CHORDC1: variants seen among roughly 807,000 people sequenced by gnomAD.
CHORDC1 encodes cysteine and histidine rich domain containing 1, also known as cysteine and histidine-rich domain-containing protein 1.
A neutral mutation model predicts 48.3 loss-of-function variants in CHORDC1; 25 were observed. That is an observed-to-expected ratio of 0.52 (90% CI 0.38 to 0.72). The LOEUF is 0.72. CHORDC1 is among the 30% of genes least tolerant of loss of function. CHORDC1 has a pLI of 0.00. For missense variants in CHORDC1, 317 were observed against 388.7 expected, an observed-to-expected ratio of 0.82 and a Z score of 1.55; for synonymous variants, 128 against 126.4, an observed-to-expected ratio of 1.01 and a Z score of -0.09.
chr11:90,202,144 C>G lies in CHORDC1; in HGVS notation c.*261G>C, dbSNP rs1857556393. The G allele has an allele frequency of 2.9e-6, 1 of 341,462 alleles. No homozygotes were observed. The highest frequency in any genetic ancestry group is 1.0e-4 in the South Asian group (1 of 9,912). The allele number at this position is 341,462 out of a possible 1,614,324, so 21.2% of individuals were successfully genotyped here. ...ATACTGCAATTATGGTTATGGGCTA[C>G]TTTCCAGCCTCTTCAAGTATAGGAC... On this transcript the variant is annotated 3_prime_UTR_variant, in exon 11 of 11. Transcript: ENST00000320585.
chr11:90,205,501 C>G lies in CHORDC1; in HGVS notation c.628G>C (p.Gly210Arg). The part of the protein sequence containing the change: ...SDFNTFLAQE[G>R]CTKGKHMWTK... ...CACATGTGTTTCCCTTTTGTACAGCCCTCTTGGGCTAAGAATGTATTAAAA... is the reference window on the plus strand; with the variant it reads ...CACATGTGTTTCCCTTTTGTACAGCGCTCTTGGGCTAAGAATGTATTAAAA... The change falls in exon 8 of 11, where the codon GGC becomes CGC. Residue 210 changes from glycine (G) to arginine (R), a missense_variant. Coordinates refer to ENST00000320585, the MANE Select transcript of CHORDC1 (RefSeq NM_012124.3). The G allele has an allele frequency of 6.2e-7, 1 of 1,606,182 alleles. No individual in the cohort carries two copies. Among genetic ancestry groups the G allele is most frequent in the South Asian group, 1.1e-5 (1 of 88,704 alleles).
chr11:90,221,991 T>A (rs1489097732), intron 1 of CHORDC1, among the ~76,000 whole-genome samples: 1 of 152,158 alleles, frequency 6.6e-6, no homozygotes, highest in African/African-American at 2.4e-5. Context: ...TTATGAAGAT[T>A]AAATAAGATA....
intron 2 of CHORDC1, among the ~76,000 whole-genome samples, chr11:90,217,532 G>C (rs539830522): frequency 1.2e-4 from 18 of 152,256 alleles, no homozygotes; most frequent in African/African-American, 4.3e-4. Flanking sequence ...ATTCAGAGCT[G>C]TTATTAGCCA....
chr11:90,218,076 A>C lies in CHORDC1; in HGVS notation c.114+59T>G. Reference sequence around the variant, plus strand: ...AAAAAAGATGAGAAAATAAAGATTTAGTATTACATCTCTCAATTTACTACA... The same window carrying C: ...AAAAAAGATGAGAAAATAAAGATTTCGTATTACATCTCTCAATTTACTACA... On this transcript the variant is annotated intron_variant, in intron 2 of 10. Coordinates refer to ENST00000320585, the MANE Select transcript of CHORDC1 (RefSeq NM_012124.3). 4 of 1,191,144 alleles carry C rather than the reference A, an allele frequency of 3.4e-6. No individual in the cohort carries two copies. The South Asian group carries it at 6.1e-5, about 18-fold the overall frequency. 73.8% of individuals were successfully genotyped at this position (1,191,144 alleles called of 1,614,324 possible). A position where few individuals can be genotyped will look rare whatever the true frequency, so the allele number is the denominator to read the frequency against.
chr11:90,205,388 T>A, intron 8 of CHORDC1, 72 bp downstream of exon 8: 1 of 975,772 alleles, frequency 1.0e-6, no homozygotes. Context: ...AAAGACAGAA[T>A]AATTTCAAAT....
intron 1 of CHORDC1, among the ~76,000 whole-genome samples, chr11:90,221,093 GA>G (rs1858160328): frequency 6.6e-6 from 1 of 151,720 alleles, no homozygotes; most frequent in Non-Finnish European, 1.5e-5. Context: ...ACAGCACCGA[GA>G]AAAAAAGCAT....
At chr11:90,203,220 TGA>T in intron 9 of CHORDC1, 86 bp downstream of exon 9, 1 of 1,246,006 alleles carries the variant, frequency 8.0e-7, no homozygotes, top group South Asian at 1.8e-5. Flanking sequence ...CCAAATCAGC[TGA>T]GATATAAACA....
intron 2 of CHORDC1, chr11:90,216,482 T>C (rs905450366): frequency 5.4e-6 from 2 of 371,354 alleles, no homozygotes; most frequent in Non-Finnish European, 1.0e-5. Context: ...CTAGTATCCC[T>C]GTATTGATGT....
In CHORDC1 at chr11:90,211,585, G is replaced by A. The variant is rs1193325425; in HGVS notation, c.330-267C>T. 2.8e-5 allele frequency: 8 copies of A among 290,560 alleles called. No homozygotes were observed. The highest frequency in any genetic ancestry group is 2.1e-4 in the East Asian group (2 of 9,548). The allele number at this position is 290,560 out of a possible 1,614,324, so 18.0% of individuals were successfully genotyped here. A position where few individuals can be genotyped will look rare whatever the true frequency, so the allele number is the denominator to read the frequency against. On this transcript the variant is annotated intron_variant, in intron 4 of 10. Transcript: ENST00000320585. ...TTAAGTATTAATCAGTTGCACTAACGAGAAAGGAATAAAGACTAGGAATCC... is the reference window on the plus strand; with the variant it reads ...TTAAGTATTAATCAGTTGCACTAACAAGAAAGGAATAAAGACTAGGAATCC...
intron 4 of CHORDC1, chr11:90,213,721 G>C (rs761011126): frequency 1.5e-5 from 7 of 455,270 alleles, no homozygotes; most frequent in Non-Finnish European, 2.7e-5. Flanking sequence ...ATGCCACAGT[G>C]AAAAAGATGC....
chr11:90,220,707 TC>T (rs968184095), intron 1 of CHORDC1, among the ~76,000 whole-genome samples: 16 of 152,074 alleles, frequency 1.1e-4, no homozygotes, highest in Non-Finnish European at 2.2e-4. Context: ...ATCCATCCTT[TC>T]TTTATCAGTT....
At chr11:90,206,942 A>G (rs770269325) in intron 6 of CHORDC1, 26 of 392,694 alleles carry the variant, frequency 6.6e-5, no homozygotes, top group Non-Finnish European at 1.2e-4. Flanking sequence ...TATAAATCCA[A>G]AGTACAGTAT....
intron 7 of CHORDC1, chr11:90,205,837 C>A (rs1206032953): frequency 4.4e-6 from 2 of 452,026 alleles, no homozygotes; most frequent in African/African-American, 2.0e-5. Context: ...AAGTATGGGT[C>A]GTCTTGGGAT....
intron 6 of CHORDC1, chr11:90,207,028 T>A (rs978034963): frequency 6.4e-6 from 2 of 313,612 alleles, no homozygotes; most frequent in African/African-American, 4.3e-5. Context: ...AACTTAATGC[T>A]ATTGCCCCCA....
intron 4 of CHORDC1, 50 bp from the exon 5 acceptor site, chr11:90,211,368 C>A (rs1170998247): frequency 1.8e-6 from 2 of 1,142,398 alleles, no homozygotes; most frequent in African/African-American, 3.1e-5. Flanking sequence ...CAAAATATTT[C>A]TTTGTACTCC....
At chr11:90,207,746 A>G (rs1396939376) in intron 6 of CHORDC1, 5 of 130,556 alleles carry the variant, frequency 3.8e-5, no homozygotes, top group East Asian at 2.6e-4. Context: ...TACACACACT[A>G]GAATGGTTAA....
intron 4 of CHORDC1, chr11:90,213,357 T>C: frequency 1.5e-6 from 1 of 653,886 alleles, no homozygotes; most frequent in Non-Finnish European, 2.7e-6. Flanking sequence ...AAAAATCACC[T>C]TTTTTTAAGT....
chr11:90,212,372 C>T (rs1857894596), intron 4 of CHORDC1: 1 of 152,136 alleles, frequency 6.6e-6, no homozygotes, highest in African/African-American at 2.4e-5. Context: ...GATTGTGAGG[C>T]CTCCCCAGCC....
chr11:90,210,824 G>T, intron 5 of CHORDC1: 1 of 448,630 alleles, frequency 2.2e-6, no homozygotes, highest in Non-Finnish European at 3.9e-6. Flanking sequence ...GTTATATCCA[G>T]TATCTTAACT....
Sources: gnomAD v4.1 joint callset for allele counts (sites outside exome capture counted in the v4.1 genomes callset) on GRCh38, gnomAD v4.1.1 for gene constraint, MANE v1.5 for transcripts, NCBI Gene and HGNC (gene_info 2026-07-23, HGNC 2026-07-21) for gene names.